The following TBXAS1 variants were observed in gnomAD, a reference collection of about 807,000 sequenced individuals.
The protein encoded by TBXAS1 is thromboxane-A synthase.
TBXAS1 carries 48 observed loss-of-function variants against 60.7 expected under a neutral mutation model. That is an observed-to-expected ratio of 0.79 (90% confidence interval 0.63 to 1.01). TBXAS1 has a LOEUF of 1.01. Among genes scored for constraint, TBXAS1 ranks in the 50% least tolerant of loss-of-function variants. TBXAS1 has a pLI of 0.00. For synonymous variants in TBXAS1, 287 were observed against 269.7 expected, an observed-to-expected ratio of 1.06 and a Z score of -0.63; for missense variants, 685 against 686.3, an observed-to-expected ratio of 1.00 and a Z score of 0.02.
intron 1 of TBXAS1, among the ~76,000 whole-genome samples, chr7:139,856,427 A>G (rs903933986): frequency 3.9e-5 from 6 of 152,170 alleles, no homozygotes; most frequent in Admixed American, 2.6e-4. Context: ...GAGTGTGTCA[A>G]TGGAAGAGGG....
chr7:139,997,812 T>C (rs1813395608), intron 9 of TBXAS1, among the ~76,000 whole-genome samples: 1 of 152,202 alleles, frequency 6.6e-6, no homozygotes, highest in African/African-American at 2.4e-5. Context: ...TGTCAAACTG[T>C]TTGCAATATC....
At chr7:139,820,292 G>A (rs1182431953) in intron 4 of TBXAS1, among the ~76,000 whole-genome samples, 3 of 152,162 alleles carry the variant, frequency 2.0e-5, no homozygotes, top group African/African-American at 4.8e-5. Context: ...ATCTCAGGAA[G>A]TGCTAACATC....
At chr7:139,868,801 C>T (rs1801617059) in intron 1 of TBXAS1, among the ~76,000 whole-genome samples, 1 of 151,572 alleles carries the variant, frequency 6.6e-6, no homozygotes. Flanking sequence ...GGATTACAAG[C>T]CTGCCTGGTT....
intron 9 of TBXAS1, among the ~76,000 whole-genome samples, chr7:139,996,302 C>T (rs1172810387): frequency 6.6e-6 from 1 of 152,174 alleles, no homozygotes; most frequent in Non-Finnish European, 1.5e-5. Context: ...CTCCCAGGCA[C>T]TGTCCAGGAG....
rs114045860 is a variant in TBXAS1 at position 139,855,195 on chromosome 7, T to C, written c.90-17040T>C. On this transcript the variant is annotated intron_variant, in intron 1 of 12. Coordinates refer to ENST00000448866, the MANE Select transcript of TBXAS1 (RefSeq NM_001061.7). ...TTGGACTTCTCAGCTTCCATAACTG[T>C]AAGAAATAAATTCTTTTTCTTTATA... Among the ~76,000 whole-genome samples the C allele has an allele frequency of 3.7e-3, 568 of 152,296 alleles. 5 individuals carry two copies. The highest frequency in any genetic ancestry group is 0.013 in the African/African-American group (548 of 41,570).
chr7:139,875,877 C>T, intron 3 of TBXAS1: 1 of 560,710 alleles, frequency 1.8e-6, no homozygotes, highest in South Asian at 2.0e-5. Context: ...ACTTTCCAGC[C>T]TTTGCAGCCT....
intron 1 of TBXAS1, among the ~76,000 whole-genome samples, chr7:139,847,610 T>C (rs751066169): frequency 2.6e-5 from 4 of 152,142 alleles, no homozygotes; most frequent in Non-Finnish European, 5.9e-5. Flanking sequence ...ACTCCACTTA[T>C]CCTTCTCTTC....
chr7:139,872,189 A>C (rs765806630), intron 1 of TBXAS1, 46 bp from the exon 2 acceptor site: 2 of 1,542,666 alleles, frequency 1.3e-6, no homozygotes, highest in South Asian at 2.2e-5. Flanking sequence ...CTAAAGCATG[A>C]GTGCAACTTC....
rs1381702525 is a variant in TBXAS1 at position 139,852,741 on chromosome 7, C to T, written c.90-19494C>T. 6.6e-6 allele frequency among the ~76,000 whole-genome samples: 1 copy of T among 152,048 alleles called. No individual in the cohort carries two copies. Among genetic ancestry groups the T allele is most frequent in the Non-Finnish European group, 1.5e-5 (1 of 68,018 alleles). On this transcript the variant is annotated intron_variant, in intron 1 of 12. Coordinates refer to ENST00000448866, the MANE Select transcript of TBXAS1 (RefSeq NM_001061.7). The surrounding 1 kb of genome is among the most constrained non-coding windows in gnomAD (Gnocchi z 4.4). ...AGCTCAAAGGCAAAATTGGTATTTC[C>T]CAGGCCTTTTGGACGGGTCATAGTG...
intron 4 of TBXAS1, among the ~76,000 whole-genome samples, chr7:139,793,449 T>C (rs2117254048): frequency 6.6e-6 from 1 of 151,954 alleles, no homozygotes; most frequent in South Asian, 2.1e-4. Context: ...ACACCTACTC[T>C]GTGCCAAACA....
At chr7:139,949,308 AACAGTACATATATATATGTAG>A (rs1235142672) in intron 5 of TBXAS1, among the ~76,000 whole-genome samples, 1 of 152,228 alleles carries the variant, frequency 6.6e-6, no homozygotes, top group Admixed American at 6.5e-5. Flanking sequence ...CTTCCTTTCA[AACAGTACATATATATATGTAG>A]ATAGATAGAC....
chr7:139,873,131 T>C lies in TBXAS1; in HGVS notation c.183+803T>C, dbSNP rs140427441. Reference sequence around the variant, plus strand: ...GGAGGTCCTTCAGGGCCTGTGGACATAGAGACGAGGGTACACACACCAGGT... The same window carrying C: ...GGAGGTCCTTCAGGGCCTGTGGACACAGAGACGAGGGTACACACACCAGGT... On this transcript the variant is annotated intron_variant, in intron 2 of 12. Coordinates refer to ENST00000448866, the MANE Select transcript of TBXAS1 (RefSeq NM_001061.7). Among the ~76,000 whole-genome samples the C allele has an allele frequency of 7.4e-3, 1,123 of 152,188 alleles. 12 individuals are homozygous for C. Among genetic ancestry groups the C allele is most frequent in the Middle Eastern group, 0.031 (9 of 294 alleles).
intron 4 of TBXAS1, among the ~76,000 whole-genome samples, chr7:139,919,540 C>T (rs992493847): frequency 6.6e-6 from 1 of 152,184 alleles, no homozygotes; most frequent in Non-Finnish European, 1.5e-5. Flanking sequence ...TTGCATGTTC[C>T]AGAACACAAG....
rs552717843 is a variant in TBXAS1, at chr7:140,009,531, C to T, written c.1226+2349C>T. Among the ~76,000 whole-genome samples the T allele has an allele frequency of 5.3e-5, 8 of 151,968 alleles. No individual in the cohort carries two copies. In the East Asian group the frequency reaches 1.6e-3, roughly 29 times the overall value. On this transcript the variant is annotated intron_variant, in intron 10 of 12. Coordinates refer to ENST00000448866, the MANE Select transcript of TBXAS1 (RefSeq NM_001061.7). ...GTGGAATGGACAGCTTCCATCCAGCCTCGCTCTCCTGAGCCGCCCCTTCCC... is the reference window on the plus strand; with the variant it reads ...GTGGAATGGACAGCTTCCATCCAGCTTCGCTCTCCTGAGCCGCCCCTTCCC...
At chr7:139,995,897 T>G (rs1214825357) in intron 9 of TBXAS1, among the ~76,000 whole-genome samples, 1 of 152,180 alleles carries the variant, frequency 6.6e-6, no homozygotes, top group Non-Finnish European at 1.5e-5. Flanking sequence ...CAGTCTCCCC[T>G]CGCTCCCTCT....
intron 10 of TBXAS1, among the ~76,000 whole-genome samples, chr7:140,007,567 T>C (rs1431608806): frequency 1.3e-5 from 2 of 152,188 alleles, no homozygotes; most frequent in African/African-American, 4.8e-5. Context: ...GGAAATCAGC[T>C]GTATATAAAA....
chr7:139,985,392 T>C (rs1455607607), intron 9 of TBXAS1, among the ~76,000 whole-genome samples: 3 of 152,214 alleles, frequency 2.0e-5, no homozygotes, highest in Non-Finnish European at 4.4e-5. Flanking sequence ...GCTGATGGTG[T>C]GGAGTACAGA....
intron 3 of TBXAS1, among the ~76,000 whole-genome samples, chr7:139,905,440 C>T (rs1203800976): frequency 3.3e-5 from 5 of 152,152 alleles, no homozygotes; most frequent in Non-Finnish European, 7.3e-5. Context: ...GTATATTAAA[C>T]CATCCCTGCA....
At chr7:139,918,668 C>T (rs1806193838) in intron 4 of TBXAS1, among the ~76,000 whole-genome samples, 1 of 152,204 alleles carries the variant, frequency 6.6e-6, no homozygotes, top group Admixed American at 6.5e-5. Context: ...GGATAAAATG[C>T]TGGAACTCCG....
Sources: gnomAD v4.1 joint callset for allele counts (sites outside exome capture counted in the v4.1 genomes callset) on GRCh38, gnomAD v4.1.1 for gene constraint, Gnocchi (gnomAD v3.1) non-coding constraint, MANE v1.5 for transcripts, NCBI Gene and HGNC (gene_info 2026-07-23, HGNC 2026-07-21) for gene names.